Variants in FLT1 observed in about 807,000 individuals in gnomAD.
The protein encoded by FLT1 is fms related receptor tyrosine kinase 1.
A neutral mutation model predicts 156.3 loss-of-function variants in FLT1; 49 were observed. That is an observed-to-expected ratio of 0.31 (90% CI 0.25 to 0.40). The LOEUF is 0.40. Ranked by LOEUF, FLT1 falls within the 10% of genes least tolerant of loss-of-function variation. The pLI is 1.00. For synonymous variants in FLT1, 594 were observed against 583.8 expected (o/e 1.02, Z -0.25); for missense variants, 1,322 against 1,637.2 (o/e 0.81, Z 3.32).
At chr13:28,306,644 T>G in intron 29 of FLT1, 34 bp downstream of exon 29, 1 of 1,450,626 alleles carries the variant, frequency 6.9e-7, no homozygotes, top group Non-Finnish European at 9.7e-7. Flanking sequence ...TACCCCTCCA[T>G]CAACTGATCA....
At chr13:28,339,622 T>A (rs1236450238) in intron 16 of FLT1, among the ~76,000 whole-genome samples, 2 of 152,168 alleles carry the variant, frequency 1.3e-5, no homozygotes, top group African/African-American at 4.8e-5. Context: ...TGCTAAAAAA[T>A]GCAAAGCATT....
At chr13:28,368,313 T>C (rs9508020) in intron 14 of FLT1, 516,611 of 528,944 alleles carry the variant, frequency 0.98, 252,758 homozygotes, top group East Asian at 1. Flanking sequence ...CCACCATGCC[T>C]GGCTAATTTT....
In FLT1 at chr13:28,378,958, G is replaced by A. The variant is rs1046293911; in HGVS notation, c.2116+5927C>T. Among the ~76,000 whole-genome samples the A allele has an allele frequency of 2.6e-5, 4 of 152,126 alleles. No homozygotes were observed. The East Asian group carries it at 7.7e-4, about 29-fold the overall frequency. The stretch of plus-strand genomic sequence containing the variant: ...ACACCAGAGAACAATGAAGTGATGT[G>A]CTCAATGACATGAGTTGTAAATAAA... On this transcript the variant is annotated intron_variant, in intron 14 of 29. Transcript: ENST00000282397.
chr13:28,452,422 C>T (rs1056202661), intron 3 of FLT1, among the ~76,000 whole-genome samples: 2 of 152,028 alleles, frequency 1.3e-5, no homozygotes, highest in African/African-American at 4.8e-5. Flanking sequence ...CTGAGCCGGA[C>T]ATTAATAAAC....
At chr13:28,458,004 G>A (rs1326180760) in intron 3 of FLT1, among the ~76,000 whole-genome samples, 3 of 128,688 alleles carry the variant, frequency 2.3e-5, no homozygotes, top group Non-Finnish European at 3.1e-5. Flanking sequence ...GCGCAATCTT[G>A]GCTCACTGCA....
At position 28,311,998 on chromosome 13, in the gene FLT1, G is replaced by T. The variant is rs145693340; in HGVS notation, c.3487C>A (p.Gln1163Lys). The T allele has an allele frequency of 4.6e-5, 74 of 1,605,442 alleles. No homozygotes were observed. In the African/African-American group the frequency reaches 6.6e-4, roughly 14 times the overall value. ...KLGDLLQANV[Q>K]QDGKDYIPIN... is the part of the protein sequence containing the mutation. ...GTAAATAAATTTAGTTTTACCTGTT[G>T]TACATTTGCTTGAAGCAAATCACCT... Residue 1163 changes from glutamine to lysine, a missense_variant, in exon 26 of 30, where the codon CAA becomes AAA. Physicochemically the swap from Gln to Lys is moderately conservative, Grantham distance 53. Around this residue, in one of 3 missense-constraint regions of FLT1, gnomAD observed 329 missense variants for 366.2 expected, o/e 0.90. Coordinates refer to ENST00000282397, the MANE Select transcript of FLT1 (RefSeq NM_002019.4).
At chr13:28,325,989 G>T (rs150501477) in intron 20 of FLT1, among the ~76,000 whole-genome samples, 21 of 152,210 alleles carry the variant, frequency 1.4e-4, no homozygotes, top group African/African-American at 4.8e-4. Context: ...TTATTTGTGT[G>T]TGAAGATTCT....
rs572605543 is a variant in FLT1 at position 28,460,014 on chromosome 13, C to T, written c.388+6889G>A. Reference sequence around the variant, plus strand: ...CGGCGATGAAGCCTGCAGATTGCTACTCTGTTGATGTCCCTGCTGGTTCCA... The same window carrying T: ...CGGCGATGAAGCCTGCAGATTGCTATTCTGTTGATGTCCCTGCTGGTTCCA... On this transcript the variant is annotated intron_variant, in intron 3 of 29. Transcript: ENST00000282397. 3.9e-5 allele frequency among the ~76,000 whole-genome samples: 6 copies of T among 152,368 alleles called. No homozygotes were observed. In the East Asian group the frequency reaches 1.2e-3, roughly 29 times the overall value.
intron 3 of FLT1, among the ~76,000 whole-genome samples, chr13:28,446,745 ATGCAATAAC>A (rs1287770166): frequency 6.6e-6 from 1 of 152,232 alleles, no homozygotes; most frequent in Non-Finnish European, 1.5e-5. Context: ...TACAGATTAA[ATGCAATAAC>A]TGTAAGAATC....
chr13:28,463,587 T>C (rs1879704234), intron 3 of FLT1, among the ~76,000 whole-genome samples: 1 of 152,146 alleles, frequency 6.6e-6, no homozygotes, highest in South Asian at 2.1e-4. Flanking sequence ...TATTCTAAAG[T>C]AAATATTCAA....
At chr13:28,476,850 G>T (rs998997475) in intron 1 of FLT1, among the ~76,000 whole-genome samples, 2 of 152,234 alleles carry the variant, frequency 1.3e-5, no homozygotes, top group Non-Finnish European at 1.5e-5. Flanking sequence ...TCATTTTAAG[G>T]CTGTCTTACA....
chr13:28,307,803 C>T lies in FLT1; in HGVS notation c.3721-1031G>A, dbSNP rs563461795. ...TTTTTTTTTGAGACGGAGTCCAGCT[C>T]TGTCGCCCAGGCTGCTAGAGTGCAG... is the stretch of plus-strand genomic sequence containing the variant. On this transcript the variant is annotated intron_variant, in intron 28 of 29. Transcript: ENST00000282397. Among the ~76,000 whole-genome samples, 17 of 35,456 alleles carry T rather than the reference C, an allele frequency of 4.8e-4. No homozygotes were observed. The East Asian group carries it at 0.019, about 39-fold the overall frequency. The allele number at this position is 35,456 out of a possible 152,430, so 23.3% of individuals were successfully genotyped here.
chr13:28,329,254 A>C (rs1350959316), intron 19 of FLT1, among the ~76,000 whole-genome samples: 1 of 152,156 alleles, frequency 6.6e-6, no homozygotes, highest in Non-Finnish European at 1.5e-5. Context: ...ACCAGTAGTG[A>C]TTCATTCATT....
At chr13:28,319,003 G>A (rs911462005) in intron 24 of FLT1, among the ~76,000 whole-genome samples, 10 of 152,186 alleles carry the variant, frequency 6.6e-5, no homozygotes, top group African/African-American at 2.2e-4. Context: ...TCCTCGCTGG[G>A]GCAGCTGAGC....
At chr13:28,321,648 CTGTCAG>C (rs1871465935) in intron 22 of FLT1, 63 bp from the exon 23 acceptor site, 1 of 1,520,464 alleles carries the variant, frequency 6.6e-7, no homozygotes, top group Admixed American at 1.7e-5. Flanking sequence ...TTTCCTACAC[CTGTCAG>C]TGTCATTATC....
chr13:28,388,948 A>T, intron 13 of FLT1: 1 of 1,064,834 alleles, frequency 9.4e-7, no homozygotes, highest in Non-Finnish European at 1.1e-6. Context: ...CAAGGAGCAA[A>T]CCCTTTGCTA....
intron 10 of FLT1, among the ~76,000 whole-genome samples, chr13:28,425,671 T>C (rs892978014): frequency 2.6e-5 from 4 of 152,210 alleles, no homozygotes; most frequent in African/African-American, 7.2e-5. Flanking sequence ...AAGGCTCTGT[T>C]ATTCCAGAAA....
intron 29 of FLT1, among the ~76,000 whole-genome samples, chr13:28,304,907 C>T (rs1472440891): frequency 6.6e-6 from 1 of 152,132 alleles, no homozygotes; most frequent in African/African-American, 2.4e-5. Context: ...TGTGGATATA[C>T]CATACTTTAT....
chr13:28,374,712 A>G (rs1176756556), intron 14 of FLT1, among the ~76,000 whole-genome samples: 1 of 151,922 alleles, frequency 6.6e-6, no homozygotes, highest in East Asian at 1.9e-4. Context: ...ACAGGGTTTC[A>G]CCGTGTTAGC....
Sources: gnomAD v4.1 joint callset for allele counts (sites outside exome capture counted in the v4.1 genomes callset) on GRCh38, gnomAD v4.1.1 for gene constraint, gnomAD v4.1.1 regional missense constraint, MANE v1.5 for transcripts, NCBI Gene and HGNC (gene_info 2026-07-23, HGNC 2026-07-21) for gene names.